The following MAMDC2 variants were observed in gnomAD, a reference collection of about 807,000 sequenced individuals.
MAMDC2 encodes the protein MAM domain containing 2.
Under a neutral mutation model 89.8 loss-of-function variants are expected in MAMDC2, and 57 were observed. The ratio of observed to expected loss-of-function variants is 0.63; its 90% CI spans 0.51 to 0.79. The LOEUF is 0.79. Among genes scored for constraint, MAMDC2 ranks in the 30% least tolerant of loss-of-function variants. The pLI is 0.00. For synonymous variants in MAMDC2, 313 were observed against 293.4 expected (o/e 1.07, Z -0.68); for missense variants, 800 against 820.6 (o/e 0.97, Z 0.31).
At chr9:70,187,406 A>G (rs984496662) in intron 11 of MAMDC2, among the ~76,000 whole-genome samples, 1 of 151,850 alleles carries the variant, frequency 6.6e-6, no homozygotes, top group East Asian at 1.9e-4. Context: ...CTGTAATTCT[A>G]TTTTTCAATT....
chr9:70,203,884 C>T (rs1169617152), intron 11 of MAMDC2, among the ~76,000 whole-genome samples: 2 of 122,744 alleles, frequency 1.6e-5, no homozygotes, highest in African/African-American at 5.9e-5. Context: ...ACGTAGTTCT[C>T]GAGCCTTGGT....
At chr9:70,081,108 G>C (rs184470169) in intron 2 of MAMDC2, among the ~76,000 whole-genome samples, 1 of 152,284 alleles carries the variant, frequency 6.6e-6, no homozygotes, top group Admixed American at 6.5e-5. Flanking sequence ...TCTGGCTGAA[G>C]AGAGACTGTC....
At chr9:70,205,169 G>T (rs961665950) in intron 11 of MAMDC2, among the ~76,000 whole-genome samples, 2 of 152,156 alleles carry the variant, frequency 1.3e-5, no homozygotes, top group South Asian at 2.1e-4. Flanking sequence ...TAAAAAATTG[G>T]TGGTAAAATG....
At chr9:70,095,103 C>A (rs1223148320) in intron 2 of MAMDC2, among the ~76,000 whole-genome samples, 1 of 152,078 alleles carries the variant, frequency 6.6e-6, no homozygotes, top group African/African-American at 2.4e-5. Context: ...AGGCCTGAAG[C>A]AATAAAGAGC....
At chr9:70,163,952 C>CA (rs34029718) in intron 9 of MAMDC2, among the ~76,000 whole-genome samples, 17,980 of 69,626 alleles carry the variant, frequency 0.26, 2,048 homozygotes, top group East Asian at 0.43. Flanking sequence ...GACTCTGTCT[C>CA]AAAAAAAAAA....
intron 7 of MAMDC2, among the ~76,000 whole-genome samples, chr9:70,136,058 G>C (rs970656975): frequency 6.6e-6 from 1 of 152,158 alleles, no homozygotes; most frequent in African/African-American, 2.4e-5. Context: ...GGCTAAAGGA[G>C]GAGGATAGGT....
At chr9:70,197,337 TGAA>T (rs1199116977) in intron 11 of MAMDC2, among the ~76,000 whole-genome samples, 2 of 152,164 alleles carry the variant, frequency 1.3e-5, no homozygotes, top group African/African-American at 4.8e-5. Context: ...TGGGGATTGA[TGAA>T]GAAGTTAGGA....
Position 70,192,365 on chromosome 9 carries a change from A to G in MAMDC2, c.1651+21734A>G, listed in dbSNP as rs924907296. On this transcript the variant is annotated intron_variant, in intron 11 of 13. Coordinates refer to ENST00000377182, the MANE Select transcript of MAMDC2 (RefSeq NM_153267.5). ...AGAACATGATTATTATACTCAAAAT[A>G]TACTCTTTCTTCTGCACTGCAAGCC... Among the ~76,000 whole-genome samples, 3 of 152,100 alleles carry G rather than the reference A, an allele frequency of 2.0e-5. No individual in the cohort carries two copies. The East Asian group carries it at 5.8e-4, about 29-fold the overall frequency.
At chr9:70,069,768 G>T (rs2118076553) in intron 2 of MAMDC2, among the ~76,000 whole-genome samples, 1 of 152,284 alleles carries the variant, frequency 6.6e-6, no homozygotes, top group Non-Finnish European at 1.5e-5. Flanking sequence ...GGAATTTCTT[G>T]CTCCTGAAGA....
At chr9:70,121,832 A>G (rs1342644035) in intron 5 of MAMDC2, among the ~76,000 whole-genome samples, 1 of 152,118 alleles carries the variant, frequency 6.6e-6, no homozygotes, top group Non-Finnish European at 1.5e-5. Flanking sequence ...CAGACACTGG[A>G]CAAAATTTTC....
Position 70,147,319 on chromosome 9 carries a change from A to T in MAMDC2, c.1404+3500A>T, listed in dbSNP as rs2031437153. Among the ~76,000 whole-genome samples the T allele has an allele frequency of 1.3e-5, 2 of 150,126 alleles. 1 individual carries two copies. Among genetic ancestry groups the T allele is most frequent in the Non-Finnish European group, 3.0e-5 (2 of 67,494 alleles). Reference sequence around the variant, plus strand: ...TCTACTTCCACTTCTTGTTTTTCTGATGGTTTTTCTTCCTGATTCACTGAT... The same window carrying T: ...TCTACTTCCACTTCTTGTTTTTCTGTTGGTTTTTCTTCCTGATTCACTGAT... On this transcript the variant is annotated intron_variant, in intron 9 of 13. Transcript: ENST00000377182.
chr9:70,181,489 G>C (rs973794671), intron 11 of MAMDC2, among the ~76,000 whole-genome samples: 3 of 152,144 alleles, frequency 2.0e-5, no homozygotes, highest in Admixed American at 1.3e-4. Flanking sequence ...GATAAGCATG[G>C]AATTTTTTTT....
At chr9:70,133,035 C>A (rs1332569180) in intron 7 of MAMDC2, among the ~76,000 whole-genome samples, 1 of 152,136 alleles carries the variant, frequency 6.6e-6, no homozygotes, top group Non-Finnish European at 1.5e-5. Flanking sequence ...AACACAGAAA[C>A]CAACATTGTT....
intron 11 of MAMDC2, among the ~76,000 whole-genome samples, chr9:70,183,834 G>T (rs545860748): frequency 2.0e-5 from 3 of 152,184 alleles, no homozygotes; most frequent in African/African-American, 7.2e-5. Context: ...GGGGCATTTA[G>T]CCCGTTTACA....
chr9:70,066,824 G>A (rs1021085071), intron 2 of MAMDC2, among the ~76,000 whole-genome samples: 4 of 152,176 alleles, frequency 2.6e-5, no homozygotes, highest in African/African-American at 9.7e-5. Flanking sequence ...GTCTTATTAA[G>A]GATATATTTG....
chr9:70,061,543 C>T lies in MAMDC2; in HGVS notation c.148+16846C>T, dbSNP rs1587434701. Among the ~76,000 whole-genome samples the T allele has an allele frequency of 2.0e-5, 3 of 152,128 alleles. No individual in the cohort carries two copies. The South Asian group carries it at 6.2e-4, about 32-fold the overall frequency. On this transcript the variant is annotated intron_variant, in intron 2 of 13. Coordinates refer to ENST00000377182, the MANE Select transcript of MAMDC2 (RefSeq NM_153267.5). ...TCCCCTGTAGGGTCTTAGTGAAATGCTCTGCACATAACAAACCAGGAACTG... is the reference window on the plus strand; with the variant it reads ...TCCCCTGTAGGGTCTTAGTGAAATGTTCTGCACATAACAAACCAGGAACTG...
chr9:70,154,335 A>G (rs2031676157), intron 9 of MAMDC2: 1 of 152,216 alleles, frequency 6.6e-6, no homozygotes, highest in Admixed American at 6.5e-5. Context: ...GTAAGGAAGA[A>G]CATAATTCCA....
chr9:70,154,571 T>C (rs77305090), intron 9 of MAMDC2, among the ~76,000 whole-genome samples: 10,227 of 147,204 alleles, frequency 0.069, 556 homozygotes, highest in East Asian at 0.22. Context: ...GTTGCCCAGG[T>C]TGGAATGCAG....
chr9:70,209,358 G>A (rs918159371), intron 11 of MAMDC2, among the ~76,000 whole-genome samples: 1 of 152,062 alleles, frequency 6.6e-6, no homozygotes, highest in African/African-American at 2.4e-5. Context: ...TTTAGTCTTG[G>A]GAGGGCATAT....
Sources: allele counts gnomAD v4.1 joint callset (sites outside exome capture counted in the v4.1 genomes callset), GRCh38; gene constraint gnomAD v4.1.1; transcripts MANE v1.5; gene names NCBI Gene and HGNC (gene_info 2026-07-23, HGNC 2026-07-21).